The following USP14 variants were observed in gnomAD, a reference collection of about 807,000 sequenced individuals.
USP14 encodes the protein ubiquitin specific peptidase 14, also known as ubiquitin carboxyl-terminal hydrolase 14.
Under a neutral mutation model 76.5 loss-of-function variants are expected in USP14, and 38 were observed. The ratio of observed to expected loss-of-function variants is 0.50; its 90% confidence interval spans 0.38 to 0.65. USP14 has a LOEUF of 0.65. Among genes scored for constraint, USP14 ranks in the 30% least tolerant of loss-of-function variants. The pLI, the probability that USP14 is intolerant of heterozygous loss-of-function variation, is 0.00. For missense variants in USP14, 467 were observed against 586.5 expected (o/e 0.80, Z 2.10); for synonymous variants, 192 against 191.7 (o/e 1.00, Z -0.01).
At chr18:193,831 T>C (rs1429277301) in intron 6 of USP14, among the ~76,000 whole-genome samples, 3 of 152,226 alleles carry the variant, frequency 2.0e-5, no homozygotes, top group African/African-American at 7.2e-5. Context: ...ATTTATCCAT[T>C]CATCGTTGGT....
intron 4 of USP14, among the ~76,000 whole-genome samples, chr18:179,353 A>G (rs1909717578): frequency 6.6e-6 from 1 of 152,112 alleles, no homozygotes; most frequent in Admixed American, 6.6e-5. Flanking sequence ...TTCCTGGCAG[A>G]TAGTACTATA....
At chr18:208,353 G>A (rs1414084958) in intron 13 of USP14, among the ~76,000 whole-genome samples, 4 of 151,968 alleles carry the variant, frequency 2.6e-5, no homozygotes, top group African/African-American at 9.7e-5. Context: ...GATCCATCCC[G>A]TTTCATTGCT....
At chr18:170,809 A>T in intron 3 of USP14, among the ~76,000 whole-genome samples, 1 of 151,984 alleles carries the variant, frequency 6.6e-6, no homozygotes. Context: ...CCGAGCAATG[A>T]GAATACATGG....
intron 1 of USP14, among the ~76,000 whole-genome samples, chr18:159,238 C>T (rs1598259413): frequency 6.6e-6 from 1 of 152,094 alleles, no homozygotes; most frequent in African/African-American, 2.4e-5. Flanking sequence ...AGTTTTGTCC[C>T]GAGGCAGATT....
intron 5 of USP14, among the ~76,000 whole-genome samples, chr18:187,596 T>C (rs907159210): frequency 3.9e-5 from 6 of 152,220 alleles, no homozygotes; most frequent in African/African-American, 1.4e-4. Flanking sequence ...TATTTGACTT[T>C]CAGTAAGATG....
intron 1 of USP14, among the ~76,000 whole-genome samples, chr18:159,975 A>G (rs1462664008): frequency 6.6e-6 from 1 of 152,218 alleles, no homozygotes; most frequent in African/African-American, 2.4e-5. Context: ...TGAAGAGAAC[A>G]TTTTAAGTAC....
At chr18:188,867 C>T (rs1257221371) in intron 5 of USP14, among the ~76,000 whole-genome samples, 3 of 152,070 alleles carry the variant, frequency 2.0e-5, no homozygotes, top group East Asian at 1.9e-4. Flanking sequence ...TTAGTAGAGA[C>T]GTGGTTTCAC....
At chr18:166,765 C>T (rs993385274) in intron 2 of USP14, 22 bp from the exon 3 acceptor site, 2 of 1,609,830 alleles carry the variant, frequency 1.2e-6, no homozygotes, top group East Asian at 4.5e-5. Context: ...GGTTAAATGT[C>T]TTTTGTTTGT....
At chr18:178,539 T>C (rs1393243356) in intron 3 of USP14, among the ~76,000 whole-genome samples, 1 of 152,216 alleles carries the variant, frequency 6.6e-6, no homozygotes, top group Non-Finnish European at 1.5e-5. Context: ...TATATTGTCA[T>C]GTAACCACTA....
chr18:160,418 G>T (rs1197034155), intron 1 of USP14, among the ~76,000 whole-genome samples: 1 of 152,192 alleles, frequency 6.6e-6, no homozygotes, highest in African/African-American at 2.4e-5. Flanking sequence ...AGCTACTCGG[G>T]AAGCTGAGTT....
rs1910708601 is a variant in USP14 at position 212,827 on chromosome 18, A to C, written c.*1543A>C. ...CTCTGATTTTGAGTTATTTATAATA[A>C]AGTTTGGGGATTATCATAACATCTC... On this transcript the variant is annotated 3_prime_UTR_variant, in exon 16 of 16. Coordinates refer to ENST00000261601, the MANE Select transcript of USP14 (RefSeq NM_005151.4). 6.6e-6 allele frequency: 1 copy of C among 152,198 alleles called. No individual in the cohort carries two copies. The highest frequency in any genetic ancestry group is 2.4e-5 in the African/African-American group (1 of 41,462). The allele number at this position is 152,198 out of a possible 1,614,324, so 9.4% of individuals were successfully genotyped here.
At chr18:179,924 AGT>A (rs1909739103) in intron 4 of USP14, among the ~76,000 whole-genome samples, 1 of 151,832 alleles carries the variant, frequency 6.6e-6, no homozygotes, top group East Asian at 1.9e-4. Flanking sequence ...TTTGTTTTGA[AGT>A]GTTTCTTTGC....
At chr18:172,468 G>A (rs1008437633) in intron 3 of USP14, among the ~76,000 whole-genome samples, 4 of 152,208 alleles carry the variant, frequency 2.6e-5, no homozygotes, top group African/African-American at 9.6e-5. Flanking sequence ...GGATTTGAGA[G>A]GTTTGACTCC....
intron 3 of USP14, among the ~76,000 whole-genome samples, chr18:169,379 AAAAG>A (rs1222188191): frequency 6.6e-6 from 1 of 151,828 alleles, no homozygotes; most frequent in Non-Finnish European, 1.5e-5. Flanking sequence ...AAAAAAAAAA[AAAAG>A]AGTGGACATC....
At chr18:163,128 G>A in intron 1 of USP14, 180 bp from the exon 2 acceptor site, 1 of 500,456 alleles carries the variant, frequency 2.0e-6, no homozygotes, top group South Asian at 3.8e-5. Flanking sequence ...GTTTGATCCA[G>A]TGAAATTTTA....
intron 1 of USP14, 122 bp downstream of exon 1, chr18:158,836 G>A: frequency 8.0e-7 from 1 of 1,253,436 alleles, no homozygotes; most frequent in East Asian, 3.3e-5. Flanking sequence ...GGTGCGCGGG[G>A]CCGGCGGCGC....
chr18:198,013 T>A (rs1276622542), intron 8 of USP14, 34 bp from the exon 9 acceptor site: 1 of 1,553,018 alleles, frequency 6.4e-7, no homozygotes, highest in Admixed American at 1.8e-5. Context: ...TTAATATTTA[T>A]ATAAAGTTGG....
At chr18:178,149 A>C (rs1225909579) in intron 3 of USP14, among the ~76,000 whole-genome samples, 1 of 152,070 alleles carries the variant, frequency 6.6e-6, no homozygotes, top group African/African-American at 2.4e-5. Context: ...GCCCCCAAGT[A>C]GCTGGGACTA....
intron 3 of USP14, among the ~76,000 whole-genome samples, chr18:176,601 G>T (rs954330300): frequency 6.6e-6 from 1 of 151,724 alleles, no homozygotes; most frequent in Non-Finnish European, 1.5e-5. Flanking sequence ...TAGTATATAT[G>T]GTATAGTTTT....
Sources: gnomAD v4.1 joint callset for allele counts (sites outside exome capture counted in the v4.1 genomes callset) on GRCh38, gnomAD v4.1.1 for gene constraint, MANE v1.5 for transcripts, NCBI Gene and HGNC (gene_info 2026-07-23, HGNC 2026-07-21) for gene names.